CNNM4: variants seen among roughly 807,000 people sequenced by gnomAD.
The protein encoded by CNNM4 is metal transporter CNNM4.
A neutral mutation model predicts 53.7 loss-of-function variants in CNNM4; 32 were observed. The ratio of observed to expected loss-of-function variants is 0.60; its 90% CI spans 0.45 to 0.80. The LOEUF (loss-of-function observed/expected upper bound fraction) is 0.80. CNNM4 is among the 30% of genes least tolerant of loss of function. The pLI is 0.00. For synonymous variants in CNNM4, 410 were observed against 440.0 expected (o/e 0.93, Z 0.85); for missense variants, 784 against 1,022.0 (o/e 0.77, Z 3.17).
rs1208146588 is a variant in CNNM4 at position 96,761,893 on chromosome 2, G to A, written c.894G>A (p.Val298=). ...QALCSRHGLA[V]GANTILLTKF... Reference sequence around the variant, plus strand: ...TGTGCTCCCGACATGGGCTGGCTGTGGGTGCCAACACCATCCTTCTCACCA... The same window carrying A: ...TGTGCTCCCGACATGGGCTGGCTGTAGGTGCCAACACCATCCTTCTCACCA... The change falls in exon 1 of 7, where the codon GTG becomes GTA. Residue 298 remains valine, a synonymous_variant. Coordinates refer to ENST00000377075, the MANE Select transcript of CNNM4 (RefSeq NM_020184.4). This position sits in a 1 kb window ranked among gnomAD's most constrained non-coding sequence, Gnocchi z 6.0. The A allele has an allele frequency of 6.2e-7, 1 of 1,614,172 alleles. No individual in the cohort carries two copies. Among genetic ancestry groups the A allele is most frequent in the Non-Finnish European group, 8.5e-7 (1 of 1,180,028 alleles).
intron 1 of CNNM4, among the ~76,000 whole-genome samples, chr2:96,771,672 C>T (rs1181060096): frequency 1.3e-5 from 2 of 151,572 alleles, no homozygotes; most frequent in African/African-American, 4.9e-5. Context: ...CAAGATCGTG[C>T]CACTGCACTC....
chr2:96,772,886 A>T (rs2078891850), intron 1 of CNNM4, among the ~76,000 whole-genome samples: 2 of 142,858 alleles, frequency 1.4e-5, no homozygotes, highest in Admixed American at 7.0e-5. Context: ...ACAAAGGCAC[A>T]GGCAGGCTCG....
chr2:96,791,489 T>C (rs1258530793), intron 1 of CNNM4, among the ~76,000 whole-genome samples: 8 of 150,008 alleles, frequency 5.3e-5, no homozygotes, highest in Non-Finnish European at 1.0e-4. Flanking sequence ...AAAAATTAGC[T>C]GGGTGTGGTG....
intron 1 of CNNM4, among the ~76,000 whole-genome samples, chr2:96,787,570 T>C (rs146347125): frequency 2.0e-5 from 3 of 152,256 alleles, no homozygotes; most frequent in Admixed American, 2.0e-4. Flanking sequence ...TTTATTTCTG[T>C]CCATAAGCCA....
chr2:96,809,095 G>A, intron 6 of CNNM4: 1 of 948,040 alleles, frequency 1.1e-6, no homozygotes, highest in Non-Finnish European at 1.5e-6. Context: ...GCCCGCCTCA[G>A]CCTCCTGAAG....
At position 96,762,168 on chromosome 2, in the gene CNNM4, C is replaced by T. The variant is rs758776909; in HGVS notation, c.1169C>T (p.Ala390Val). 6.2e-7 allele frequency: 1 copy of T among 1,614,166 alleles called. No homozygotes were observed. Among genetic ancestry groups the T allele is most frequent in the Non-Finnish European group, 8.5e-7 (1 of 1,180,034 alleles). The change falls in exon 1 of 7, where the codon GCC becomes GTC. Residue 390 changes from alanine (A) to valine (V), a missense_variant. This residue lies in a region of CNNM4 where 473 missense variants were observed against 624.6 expected (regional missense o/e 0.76). Coordinates refer to ENST00000377075, the MANE Select transcript of CNNM4 (RefSeq NM_020184.4). ...LQDCFMIRSD[A>V]ILDFNTMSEI... ...GACTGCTTCATGATCCGCAGCGATG[C>T]CATCCTGGACTTCAACACCATGTCG...
chr2:96,785,474 A>C (rs2079008915), intron 1 of CNNM4, among the ~76,000 whole-genome samples: 1 of 151,044 alleles, frequency 6.6e-6, no homozygotes, highest in Non-Finnish European at 1.5e-5. Flanking sequence ...CCATCTCTAC[A>C]AAAAATACGA....
In CNNM4 at chr2:96,762,208, C is replaced by G; in HGVS notation, c.1209C>G (p.Ser403Arg). The G allele has an allele frequency of 6.2e-7, 1 of 1,614,126 alleles. No homozygotes were observed. The highest frequency in any genetic ancestry group is 8.5e-7 in the Non-Finnish European group (1 of 1,180,034). ...ACACCATGTCGGAGATAATGGAAAG[C>G]GGCTATACTCGCATCCCGGTGTTCG... ...DFNTMSEIME[S>R]GYTRIPVFED... The change falls in exon 1 of 7, where the codon AGC (serine) becomes AGG (arginine). Residue 403 changes from serine to arginine, a missense_variant. Around this residue, in one of 3 missense-constraint regions of CNNM4, gnomAD observed 473 missense variants for 624.6 expected, o/e 0.76. Transcript: ENST00000377075.
Position 96,809,199 on chromosome 2 carries a change from C to T in CNNM4, c.2131-121C>T, listed in dbSNP as rs150281026. 583 of 1,543,658 alleles carry T rather than the reference C, an allele frequency of 3.8e-4. 8 individuals are homozygous for T. The East Asian group carries it at 0.012, about 32-fold the overall frequency. ...TGTTCTTTGTAAGGGCTTCCAGAGA[C>T]GCTGACTGGTCATGTTCTCTCTCAA... On this transcript the variant is annotated intron_variant, in intron 6 of 6. Coordinates refer to ENST00000377075, the MANE Select transcript of CNNM4 (RefSeq NM_020184.4).
At chr2:96,786,785 AAAAAAAAAAAAAAAAAAAAG>A (rs1028868121) in intron 1 of CNNM4, among the ~76,000 whole-genome samples, 1 of 149,884 alleles carries the variant, frequency 6.7e-6, no homozygotes, top group East Asian at 1.9e-4. Context: ...TCTCAAAAAA[AAAAAAAAAAAAAAAAAAAAG>A]TCACTCTTAT....
At chr2:96,805,418 G>GTTTTTTTTTTTTTTTTTT (rs898761608) in intron 5 of CNNM4, among the ~76,000 whole-genome samples, 32 of 76,134 alleles carry the variant, frequency 4.2e-4, no homozygotes, top group Admixed American at 5.6e-4. Context: ...CTTCTTTTCA[G>GTTTTTTTTTTTTTTTTTT]TTTTTTTTTT....
At chr2:96,804,480 C>T (rs2079185371) in intron 5 of CNNM4, among the ~76,000 whole-genome samples, 1 of 151,938 alleles carries the variant, frequency 6.6e-6, no homozygotes. Context: ...CAGCTCACTG[C>T]AACCTCCACC....
At chr2:96,805,247 C>T (rs997489492) in intron 5 of CNNM4, among the ~76,000 whole-genome samples, 1 of 151,686 alleles carries the variant, frequency 6.6e-6, no homozygotes, top group African/African-American at 2.4e-5. Context: ...CATGGGAATA[C>T]CACAACCTCA....
chr2:96,774,734 C>T (rs71427093), intron 1 of CNNM4, among the ~76,000 whole-genome samples: 1 of 151,932 alleles, frequency 6.6e-6, no homozygotes, highest in African/African-American at 2.4e-5. Flanking sequence ...GAGGCCAGGG[C>T]GAGTGGATCA....
At chr2:96,783,364 C>CA (rs1286446370) in intron 1 of CNNM4, among the ~76,000 whole-genome samples, 1 of 152,160 alleles carries the variant, frequency 6.6e-6, no homozygotes, top group Non-Finnish European at 1.5e-5. Flanking sequence ...GGTCTGAACT[C>CA]AGAAGGACGC....
rs1237639006 is a variant in CNNM4 at position 96,761,320 on chromosome 2, C to T, written c.321C>T (p.Ser107=). The change falls in exon 1 of 7, where the codon AGC becomes AGT. Residue 107 remains serine (S), a synonymous_variant. Transcript: ENST00000377075. The surrounding 1 kb of genome is among the most constrained non-coding windows in gnomAD (Gnocchi z 6.0). The part of the protein sequence containing the change: ...DDAETLHKST[S]CLELTKDLVV... The stretch of plus-strand genomic sequence containing the variant: ...CCGAGACCCTCCACAAGTCCACCAG[C>T]TGCCTCGAGCTCACCAAGGACCTGG... 5.6e-6 allele frequency: 9 copies of T among 1,614,068 alleles called. No individual in the cohort carries two copies.
intron 1 of CNNM4, among the ~76,000 whole-genome samples, chr2:96,795,492 C>T (rs376827071): frequency 1.3e-5 from 2 of 152,258 alleles, no homozygotes; most frequent in African/African-American, 2.4e-5. Context: ...GCAGTACCCC[C>T]CCCCCCATCA....
chr2:96,761,060 C>G lies in CNNM4; in HGVS notation c.61C>G (p.Leu21Val), dbSNP rs886056471. Reference protein sequence around the residue: ...VGGPARGRLLLAAPVLLVLLW... With the variant: ...VGGPARGRLLVAAPVLLVLLW... ...CGGACCGGCCCGCGGGCGCCTCCTC[C>G]TGGCGGCGCCGGTGCTGCTGGTGCT... Residue 21 changes from leucine (L) to valine (V), a missense_variant, in exon 1 of 7, where the codon CTG (leucine) becomes GTG (valine). Leu to Val is a conservative substitution (Grantham distance 32). Transcript: ENST00000377075. The surrounding 1 kb of genome is among the most constrained non-coding windows in gnomAD (Gnocchi z 6.0). 5 of 1,258,106 alleles carry G rather than the reference C, an allele frequency of 4.0e-6. No individual in the cohort carries two copies. Among genetic ancestry groups the G allele is most frequent in the African/African-American group, 1.5e-5 (1 of 64,900 alleles). The allele number at this position is 1,258,106 out of a possible 1,614,324, so 77.9% of individuals were successfully genotyped here. A position where few individuals can be genotyped will look rare whatever the true frequency, so the allele number is the denominator to read the frequency against.
intron 1 of CNNM4, among the ~76,000 whole-genome samples, chr2:96,769,757 G>A (rs1415989302): frequency 6.6e-6 from 1 of 151,536 alleles, no homozygotes; most frequent in Non-Finnish European, 1.5e-5. Flanking sequence ...TTAGGCTGTG[G>A]GGTGCCCAGC....
Sources: allele counts gnomAD v4.1 joint callset (sites outside exome capture counted in the v4.1 genomes callset), GRCh38; gene constraint gnomAD v4.1.1; regional missense constraint gnomAD v4.1.1; non-coding constraint Gnocchi (gnomAD v3.1); transcripts MANE v1.5; gene names NCBI Gene and HGNC (gene_info 2026-07-23, HGNC 2026-07-21).